PCYT1B: variants seen among roughly 807,000 people sequenced by gnomAD.
PCYT1B encodes the protein choline-phosphate cytidylyltransferase B.
A neutral mutation model predicts 26.4 loss-of-function variants in PCYT1B; 10 were observed. That is an observed-to-expected ratio of 0.38 (90% confidence interval 0.23 to 0.64). The LOEUF (loss-of-function observed/expected upper bound fraction) is 0.64, where lower values mean the gene tolerates loss of function less well. Among genes scored for constraint, PCYT1B ranks in the 30% least tolerant of loss-of-function variants. The pLI, the probability that PCYT1B is intolerant of heterozygous loss-of-function variation, is 0.56. For missense variants in PCYT1B, 161 were observed against 292.7 expected (o/e 0.55, Z 3.28); for synonymous variants, 131 against 108.4 (o/e 1.21, Z -1.29).
intron 1 of PCYT1B, among the ~76,000 whole-genome samples, chrX:24,654,105 T>C (rs1363752314): frequency 8.5e-5 from 7 of 82,312 alleles, no homozygotes; most frequent in East Asian, 8.1e-4. Flanking sequence ...TCTTTCTTTT[T>C]TTTTTTTTTT....
At chrX:24,600,042 G>C (rs1924909205) in intron 3 of PCYT1B, among the ~76,000 whole-genome samples, 1 of 110,406 alleles carries the variant, frequency 9.1e-6, no homozygotes, top group African/African-American at 3.3e-5. Flanking sequence ...CTAGTAGCTG[G>C]GACTACAGGT....
chrX:24,654,100 CTT>C (rs35924266), intron 1 of PCYT1B, among the ~76,000 whole-genome samples: 356 of 33,047 alleles, frequency 0.011, 2 homozygotes, highest in African/African-American at 0.028. Flanking sequence ...TTCTTTCTTT[CTT>C]TTTTTTTTTT....
At chrX:24,563,673 G>A (rs1923514829) in intron 7 of PCYT1B, among the ~76,000 whole-genome samples, 1 of 111,725 alleles carries the variant, frequency 9.0e-6, no homozygotes, top group Non-Finnish European at 1.9e-5. Flanking sequence ...GTGGGGAAGG[G>A]AGAGGGGGAG....
At chrX:24,634,233 T>C (rs979387234) in intron 1 of PCYT1B, among the ~76,000 whole-genome samples, 1 of 112,062 alleles carries the variant, frequency 8.9e-6, no homozygotes, top group Non-Finnish European at 1.9e-5. Context: ...AATTCTGATA[T>C]ATGGGTTTAC....
intron 3 of PCYT1B, among the ~76,000 whole-genome samples, chrX:24,598,466 T>C (rs1344186943): frequency 9.3e-6 from 1 of 107,886 alleles, no homozygotes. Flanking sequence ...AGGCAAACAC[T>C]AGAATTTGAT....
intron 3 of PCYT1B, among the ~76,000 whole-genome samples, chrX:24,594,942 T>TGC (rs1924728687): frequency 8.9e-6 from 1 of 111,749 alleles, no homozygotes. Context: ...ACTCAAACTC[T>TGC]CTGAGCCTCA....
intron 4 of PCYT1B, among the ~76,000 whole-genome samples, chrX:24,588,729 C>T (rs1383254494): frequency 9.0e-6 from 1 of 111,518 alleles, no homozygotes; most frequent in African/African-American, 3.3e-5. Context: ...CTTTTACCCA[C>T]TAGAAGCCGG....
At chrX:24,562,727 T>C (rs1360052337) in intron 7 of PCYT1B, among the ~76,000 whole-genome samples, 1 of 81,133 alleles carries the variant, frequency 1.2e-5, no homozygotes, top group African/African-American at 4.2e-5. Context: ...GTTCTTTTTT[T>C]CTCTTTTTTT....
intron 7 of PCYT1B, among the ~76,000 whole-genome samples, chrX:24,570,055 C>T (rs1388090670): frequency 2.8e-5 from 3 of 106,933 alleles, no homozygotes; most frequent in Admixed American, 1.0e-4. Context: ...ATGGTGGTGG[C>T]GCACGCCTGT....
chrX:24,582,162 C>T (rs890177602), intron 5 of PCYT1B, among the ~76,000 whole-genome samples: 4 of 112,660 alleles, frequency 3.6e-5, no homozygotes, highest in African/African-American at 1.3e-4. Context: ...CAGTGGGGAA[C>T]ATTCTGGTGA....
At chrX:24,574,451 G>A (rs979253916) in intron 7 of PCYT1B, among the ~76,000 whole-genome samples, 3 of 111,126 alleles carry the variant, frequency 2.7e-5, no homozygotes, top group Non-Finnish European at 5.7e-5. Context: ...TCAGATTTTA[G>A]GCAAGGAGAC....
intron 4 of PCYT1B, 29 bp downstream of exon 4, chrX:24,589,994 C>T (rs747135512): frequency 1.8e-5 from 21 of 1,159,794 alleles, no homozygotes; most frequent in Non-Finnish European, 2.2e-5. Context: ...AATCTTGCTA[C>T]TTAGAGAATG....
intron 1 of PCYT1B, among the ~76,000 whole-genome samples, chrX:24,633,209 CAAAAAAAAAAAA>C (rs1173874144): frequency 1.2e-4 from 2 of 16,735 alleles, no homozygotes; most frequent in Non-Finnish European, 2.7e-4. Context: ...GACTATGTCT[CAAAAAAAAAAAA>C]AAAAAAAAAA....
At chrX:24,593,680 C>T (rs1290372999) in intron 3 of PCYT1B, among the ~76,000 whole-genome samples, 6 of 108,811 alleles carry the variant, frequency 5.5e-5, no homozygotes, top group Non-Finnish European at 1.1e-4. Flanking sequence ...GCACCTGCCA[C>T]CACACCTGGC....
Position 24,590,067 on chromosome X carries a change from C to T in PCYT1B, c.442G>A (p.Asp148Asn), listed in dbSNP as rs759164910. ...HCRYVDEVIR[D>N]APWTLTPEFL... ...TCTGGCGTGAGTGTCCAGGGAGCAT[C>T]TCTGATAACTTCGTCTACGTAGCGA... The change falls in exon 4 of 8, where the codon GAT becomes AAT. Residue 148 changes from aspartate (D) to asparagine (N), a missense_variant. Coordinates refer to ENST00000379144, the MANE Select transcript of PCYT1B (RefSeq NM_004845.5). 6 of 1,207,741 alleles carry T rather than the reference C, an allele frequency of 5.0e-6. No individual in the cohort carries two copies. The South Asian group carries it at 1.1e-4, about 21-fold the overall frequency.
At chrX:24,665,031 T>C (rs937830593) in intron 1 of PCYT1B, among the ~76,000 whole-genome samples, 37 of 111,342 alleles carry the variant, frequency 3.3e-4, no homozygotes, top group African/African-American at 1.1e-3. Context: ...GGGGACAACA[T>C]TGAAAAACAC....
intron 1 of PCYT1B, among the ~76,000 whole-genome samples, chrX:24,643,934 T>C (rs911005782): frequency 8.9e-6 from 1 of 112,031 alleles, no homozygotes; most frequent in Non-Finnish European, 1.9e-5. Flanking sequence ...CACACTCTGT[T>C]GATGGCTGTG....
chrX:24,617,220 A>G (rs1925528693), intron 2 of PCYT1B, among the ~76,000 whole-genome samples: 1 of 111,605 alleles, frequency 9.0e-6, no homozygotes, highest in Non-Finnish European at 1.9e-5. Context: ...TCTGTGAAAT[A>G]CTAAAACTAC....
At chrX:24,630,213 A>G (rs1361046277) in intron 1 of PCYT1B, among the ~76,000 whole-genome samples, 1 of 112,494 alleles carries the variant, frequency 8.9e-6, no homozygotes, top group Non-Finnish European at 1.9e-5. Flanking sequence ...AGGTGATTTT[A>G]AAAATAAAAT....
Sources: allele counts gnomAD v4.1 joint callset (sites outside exome capture counted in the v4.1 genomes callset), GRCh38; gene constraint gnomAD v4.1.1; transcripts MANE v1.5; gene names NCBI Gene and HGNC (gene_info 2026-07-23, HGNC 2026-07-21).